Variants in OSBPL1A observed in about 807,000 individuals in gnomAD.
OSBPL1A encodes oxysterol-binding protein-related protein 1.
A neutral mutation model predicts 137.1 loss-of-function variants in OSBPL1A; 80 were observed. The ratio of observed to expected loss-of-function variants is 0.58; its 90% CI spans 0.49 to 0.70. OSBPL1A has a LOEUF of 0.70. Among genes scored for constraint, OSBPL1A ranks in the 30% least tolerant of loss-of-function variants. The probability of loss-of-function intolerance (pLI) is 0.00; values close to 1 mark genes in which losing one functional copy is unlikely to be tolerated. For synonymous variants in OSBPL1A, 365 were observed against 389.7 expected (o/e 0.94, Z 0.75); for missense variants, 970 against 1,129.4 (o/e 0.86, Z 2.02).
At position 24,219,740 on chromosome 18, in the gene OSBPL1A, C is replaced by G. The variant is rs541099516; in HGVS notation, c.1601+5302G>C. Among the ~76,000 whole-genome samples the G allele has an allele frequency of 7.3e-4, 111 of 152,286 alleles. 1 individual carries two copies. Among genetic ancestry groups the G allele is most frequent in the Admixed American group, 1.8e-3 (28 of 15,294 alleles). ...GAGCAACTCCTATCTGCTCTTTAAA[C>G]TAGGGCAGGATGAGGTCAATGGCCT... On this transcript the variant is annotated intron_variant, in intron 17 of 27. Coordinates refer to ENST00000319481, the MANE Select transcript of OSBPL1A (RefSeq NM_080597.4).
intron 1 of OSBPL1A, among the ~76,000 whole-genome samples, chr18:24,390,515 G>A (rs1046680132): frequency 4.7e-5 from 7 of 150,268 alleles, no homozygotes; most frequent in Non-Finnish European, 7.4e-5. Flanking sequence ...AACAGACCAC[G>A]GAAACCCCAC....
At chr18:24,383,469 T>C (rs1906749276) in intron 1 of OSBPL1A, among the ~76,000 whole-genome samples, 1 of 152,214 alleles carries the variant, frequency 6.6e-6, no homozygotes, top group Admixed American at 6.5e-5. Context: ...TAAAAATAAA[T>C]CTATTGGGCC....
chr18:24,261,397 C>T (rs772611613), intron 15 of OSBPL1A, among the ~76,000 whole-genome samples: 14 of 151,950 alleles, frequency 9.2e-5, no homozygotes, highest in Non-Finnish European at 1.6e-4. Context: ...AGTTTAAATA[C>T]GTGGAGTTTA....
At chr18:24,287,681 G>A (rs111344265) in intron 14 of OSBPL1A, among the ~76,000 whole-genome samples, 1 of 152,020 alleles carries the variant, frequency 6.6e-6, no homozygotes, top group African/African-American at 2.4e-5. Flanking sequence ...GCTGAGGCAG[G>A]AGAATCGCTT....
At chr18:24,351,874 T>C (rs778946060) in intron 4 of OSBPL1A, among the ~76,000 whole-genome samples, 10 of 152,160 alleles carry the variant, frequency 6.6e-5, no homozygotes, top group Admixed American at 2.6e-4. Flanking sequence ...TAAGGCGTTA[T>C]ACCAAAACAA....
At chr18:24,270,948 C>T (rs1403786319) in intron 15 of OSBPL1A, among the ~76,000 whole-genome samples, 2 of 152,156 alleles carry the variant, frequency 1.3e-5, no homozygotes, top group African/African-American at 4.8e-5. Context: ...ACCCTCTCTC[C>T]AAACCCAGAA....
chr18:24,208,179 T>C (rs758289923), intron 17 of OSBPL1A, among the ~76,000 whole-genome samples: 12 of 152,182 alleles, frequency 7.9e-5, no homozygotes, highest in Non-Finnish European at 1.0e-4. Flanking sequence ...AACTATAAAA[T>C]AAACTTGAAT....
At position 24,365,868 on chromosome 18, in the gene OSBPL1A, A is replaced by G. The variant is rs1027182550; in HGVS notation, c.282+1024T>C. ...TAACACTAAAGACTTCTGTGACCAAATATGGGTGGGGGCAGTTCTCCCCAC... is the reference window on the plus strand; with the variant it reads ...TAACACTAAAGACTTCTGTGACCAAGTATGGGTGGGGGCAGTTCTCCCCAC... On this transcript the variant is annotated intron_variant, in intron 4 of 27. Coordinates refer to ENST00000319481, the MANE Select transcript of OSBPL1A (RefSeq NM_080597.4). Among the ~76,000 whole-genome samples the G allele has an allele frequency of 4.6e-5, 7 of 152,198 alleles. No homozygotes were observed. In the East Asian group the frequency reaches 1.3e-3, roughly 29 times the overall value.
At chr18:24,342,263 C>T (rs1340436591) in intron 4 of OSBPL1A, among the ~76,000 whole-genome samples, 2 of 152,092 alleles carry the variant, frequency 1.3e-5, no homozygotes, top group East Asian at 3.8e-4. Context: ...CTCTAAGTGG[C>T]TAGCTGCTCT....
At chr18:24,164,239 C>T (rs1220376730) in intron 27 of OSBPL1A, among the ~76,000 whole-genome samples, 1 of 152,056 alleles carries the variant, frequency 6.6e-6, no homozygotes, top group Non-Finnish European at 1.5e-5. Flanking sequence ...AAATGTTCAA[C>T]ATCACTAATT....
intron 17 of OSBPL1A, among the ~76,000 whole-genome samples, chr18:24,199,920 C>T (rs1033864026): frequency 2.0e-4 from 31 of 152,242 alleles, no homozygotes; most frequent in Admixed American, 5.2e-4. Flanking sequence ...CCACCTACAA[C>T]GTCAGCAGTG....
intron 17 of OSBPL1A, among the ~76,000 whole-genome samples, chr18:24,209,099 A>T (rs183461480): frequency 1.0e-3 from 156 of 152,360 alleles, no homozygotes; most frequent in African/African-American, 3.6e-3. Context: ...TGTTCAAACA[A>T]AGAAGAAATT....
chr18:24,313,252 C>A (rs897205931), intron 12 of OSBPL1A, among the ~76,000 whole-genome samples: 1 of 151,670 alleles, frequency 6.6e-6, no homozygotes, highest in African/African-American at 2.4e-5. Flanking sequence ...ACCAGCCTGA[C>A]GAACGTGGTG....
intron 18 of OSBPL1A, among the ~76,000 whole-genome samples, chr18:24,193,152 A>G (rs2086934796): frequency 6.6e-6 from 1 of 152,194 alleles, no homozygotes; most frequent in African/African-American, 2.4e-5. Flanking sequence ...ACCCCCACAA[A>G]AAGGACACGA....
rs1157367499 is a variant in OSBPL1A at position 24,271,684 on chromosome 18, G to A, written c.1281+9158C>T. On this transcript the variant is annotated intron_variant, in intron 15 of 27. Coordinates refer to ENST00000319481, the MANE Select transcript of OSBPL1A (RefSeq NM_080597.4). This position sits in a 1 kb window ranked among gnomAD's most constrained non-coding sequence, Gnocchi z 4.0. ...CCCTGCGCTCCTCGCAAGCTCCAGC[G>A]CGAATGCGCTCGGCCTGCTCCTCCT... 4 of 985,766 alleles carry A rather than the reference G, an allele frequency of 4.1e-6. No homozygotes were observed. Among genetic ancestry groups the A allele is most frequent in the Non-Finnish European group, 3.6e-6 (3 of 830,212 alleles). The allele number at this position is 985,766 out of a possible 1,614,324, so 61.1% of individuals were successfully genotyped here.
chr18:24,220,055 C>A (rs2087836870), intron 17 of OSBPL1A, among the ~76,000 whole-genome samples: 1 of 152,188 alleles, frequency 6.6e-6, no homozygotes, highest in African/African-American at 2.4e-5. Context: ...ATGGATGTCA[C>A]ACGTAATGAG....
At position 24,172,456 on chromosome 18, in the gene OSBPL1A, ATT is replaced by A; in HGVS notation, c.2119_2120del (p.Asn707SerfsTer7). 1 of 1,613,978 alleles carries A rather than the reference ATT, an allele frequency of 6.2e-7. No homozygotes were observed. Among genetic ancestry groups the A allele is most frequent in the Non-Finnish European group, 8.5e-7 (1 of 1,179,900 alleles). On this transcript the variant is annotated frameshift_variant, in exon 22 of 28. Coordinates refer to ENST00000319481, the MANE Select transcript of OSBPL1A (RefSeq NM_080597.4). LOFTEE classifies it high-confidence loss of function. The stretch of plus-strand genomic sequence containing the variant: ...TGATATTATGCACACAGCAGGTGGG[ATT>A]TGTCCATGTATATGCCTCATTGTGT... The part of the protein sequence containing the change: ...LEHNEAYTWT[N>X]PTCCVHNIIV...
rs774184492 is a variant in OSBPL1A, at chr18:24,366,990, T to C, written c.208-24A>G. The C allele has an allele frequency of 7.0e-6, 11 of 1,576,282 alleles. No homozygotes were observed. The South Asian group carries it at 9.4e-5, about 13-fold the overall frequency. On this transcript the variant is annotated intron_variant, in intron 3 of 27. Transcript: ENST00000319481. ...GCCTAGTAAACATGACCACTTTAAA[T>C]ACCAAGAAATATACAATGGTGAAAA...
chr18:24,283,425 A>G (rs1200362649), intron 14 of OSBPL1A, among the ~76,000 whole-genome samples: 2 of 151,672 alleles, frequency 1.3e-5, no homozygotes, highest in Non-Finnish European at 2.9e-5. Flanking sequence ...TTCTCTTGTT[A>G]GCTTCTTTAA....
Sources: allele counts gnomAD v4.1 joint callset (sites outside exome capture counted in the v4.1 genomes callset), GRCh38; gene constraint gnomAD v4.1.1; non-coding constraint Gnocchi (gnomAD v3.1); transcripts MANE v1.5; gene names NCBI Gene and HGNC (gene_info 2026-07-23, HGNC 2026-07-21).